The following MILR1 variants were observed in gnomAD, a reference collection of about 807,000 sequenced individuals.
MILR1 encodes mast cell immunoglobulin like receptor 1, also known as allergin-1.
Under a neutral mutation model 18.5 loss-of-function variants are expected in MILR1, and 31 were observed. The ratio of observed to expected loss-of-function variants is 1.68; its 90% confidence interval spans 1.26 to 2.26. The LOEUF (loss-of-function observed/expected upper bound fraction) is 2.26. Among genes scored for constraint, MILR1 ranks in the 30% most tolerant of loss-of-function variants. The pLI, the probability that MILR1 is intolerant of heterozygous loss-of-function variation, is 0.00. For missense variants in MILR1, 257 were observed against 157.4 expected, an observed-to-expected ratio of 1.63 and a Z score of -3.38; for synonymous variants, 85 against 56.2, an observed-to-expected ratio of 1.51 and a Z score of -2.30.
At chr17:64,464,116 ATT>A (rs1182677616) in intron 5 of MILR1, among the ~76,000 whole-genome samples, 192 of 100,832 alleles carry the variant, frequency 1.9e-3, no homozygotes, top group African/African-American at 7.1e-3. Context: ...CGCGCCTGAC[ATT>A]TTTTTTTTTT....
chr17:64,483,013 A>G, the MILR1 span: 1 of 1,428,042 alleles, frequency 7.0e-7, no homozygotes, highest in Admixed American at 1.7e-5. Context: ...AGGCAATTAA[A>G]TGGGGGAGGG....
intron 5 of MILR1, among the ~76,000 whole-genome samples, chr17:64,461,445 C>T (rs1275110654): frequency 2.0e-5 from 3 of 152,014 alleles, no homozygotes; most frequent in Non-Finnish European, 4.4e-5. Flanking sequence ...GACAGGGTTT[C>T]ACCATGTTGG....
At chr17:64,458,245 C>A (rs2144036653) in intron 4 of MILR1, among the ~76,000 whole-genome samples, 1 of 149,330 alleles carries the variant, frequency 6.7e-6, no homozygotes, top group South Asian at 2.1e-4. Flanking sequence ...CAGAGTGTCA[C>A]TCTGTTGCCC....
Position 64,457,689 on chromosome 17 carries a change from G to T in MILR1, c.652+5G>T. The T allele has an allele frequency of 2.1e-6, 1 of 473,390 alleles. No homozygotes were observed. Among genetic ancestry groups the T allele is most frequent in the South Asian group, 6.7e-5 (1 of 14,864 alleles). 29.3% of individuals were successfully genotyped at this position (473,390 alleles called of 1,614,324 possible). The stretch of plus-strand genomic sequence containing the variant: ...CTGTCACCATGCCCTCAACAGGTAA[G>T]AGCAACCTGAGTTCTTTCAGCCAGG... On this transcript the variant is annotated splice_donor_5th_base_variant and intron_variant, in intron 4 of 9. Coordinates refer to ENST00000619286, the MANE Select transcript of MILR1 (RefSeq NM_001085423.2).
At chr17:64,492,570 C>T in the MILR1 span, 61 of 726,694 alleles carry the variant, frequency 8.4e-5, no homozygotes, top group African/African-American at 4.7e-4. Flanking sequence ...TAGCTACATA[C>T]ATCAAATATA....
chr17:64,449,284 G>C (rs960319227), intron 1 of MILR1, 30 bp from the exon 2 acceptor site: 20 of 473,292 alleles, frequency 4.2e-5, no homozygotes, highest in African/African-American at 3.6e-4. Flanking sequence ...TGTGGAAAGT[G>C]AGCTTTATCG....
At chr17:64,464,849 A>G (rs1181727643) in intron 5 of MILR1, among the ~76,000 whole-genome samples, 1 of 152,220 alleles carries the variant, frequency 6.6e-6, no homozygotes, top group African/African-American at 2.4e-5. Flanking sequence ...GCTTGAAACC[A>G]GGATGCGGAG....
the MILR1 span, among the ~76,000 whole-genome samples, chr17:64,492,353 T>C: frequency 6.6e-6 from 1 of 152,196 alleles, no homozygotes; most frequent in South Asian, 2.1e-4. Flanking sequence ...TGGAGGTAGG[T>C]AGCAAAAGCT....
intron 3 of MILR1, among the ~76,000 whole-genome samples, chr17:64,453,707 A>G (rs1253773996): frequency 6.6e-6 from 1 of 151,612 alleles, no homozygotes; most frequent in Non-Finnish European, 1.5e-5. Context: ...TCCTACCCCA[A>G]GCCTGTTACT....
chr17:64,471,996 TGATA>T (rs547475739), downstream of MILR1, among the ~76,000 whole-genome samples: 150 of 152,270 alleles, frequency 9.9e-4, no homozygotes, highest in African/African-American at 3.5e-3. Flanking sequence ...AAATTAATTC[TGATA>T]GATGTAGTCA....
chr17:64,473,685 C>A, the MILR1 span, among the ~76,000 whole-genome samples: 3 of 152,080 alleles, frequency 2.0e-5, no homozygotes, highest in Admixed American at 2.0e-4. Context: ...TACGAAATTT[C>A]TTTGTAAATA....
rs58889627 is a variant in MILR1, at chr17:64,466,251, G to A, written c.854-191G>A. ...TATCTCCACCTGGTCCCTCCCATGA[G>A]ATGTGGGGATTATGGGGACTACAAT... On this transcript the variant is annotated intron_variant, in intron 6 of 9. Coordinates refer to ENST00000619286, the MANE Select transcript of MILR1 (RefSeq NM_001085423.2). 2.7e-3 allele frequency among the ~76,000 whole-genome samples: 418 copies of A among 152,342 alleles called. 17 individuals are homozygous for A. In the East Asian group the frequency reaches 0.073, roughly 26 times the overall value.
At chr17:64,472,465 CAAAAAAAAAA>C (rs71158332), downstream of MILR1, among the ~76,000 whole-genome samples, 39 of 13,914 alleles carry the variant, frequency 2.8e-3, no homozygotes, top group African/African-American at 5.6e-3. Flanking sequence ...GACTCCATCT[CAAAAAAAAAA>C]AAAAAAAAAA....
chr17:64,495,655 A>T, the MILR1 span, among the ~76,000 whole-genome samples: 1 of 152,140 alleles, frequency 6.6e-6, no homozygotes, highest in Admixed American at 6.6e-5. Context: ...TTTACATATT[A>T]TCTCTTCTTT....
intron 9 of MILR1, 70 bp downstream of exon 9, chr17:64,467,715 C>A (rs968194471): frequency 3.2e-6 from 3 of 932,166 alleles, no homozygotes; most frequent in Non-Finnish European, 1.7e-6. Flanking sequence ...AGGTGGATTA[C>A]TTGAGGTCAG....
In MILR1 at chr17:64,466,467, A is replaced by G. The variant is rs1335333618; in HGVS notation, c.879A>G (p.Gly293=). The change falls in exon 7 of 10, where the codon GGA becomes GGG. Residue 293 remains glycine, a synonymous_variant. Transcript: ENST00000619286. ...QAKEESVPEV[G]SRPCVSTAQD... ...AGGAGGAATCTGTGCCAGAAGTGGGATCCAGGCCGTGTGTTTCCACAGCCC... is the reference window on the plus strand; with the variant it reads ...AGGAGGAATCTGTGCCAGAAGTGGGGTCCAGGCCGTGTGTTTCCACAGCCC... 2.5e-6 allele frequency: 4 copies of G among 1,613,722 alleles called. No homozygotes were observed. Among genetic ancestry groups the G allele is most frequent in the Non-Finnish European group, 3.4e-6 (4 of 1,179,828 alleles).
chr17:64,466,683 A>G, intron 8 of MILR1, 21 bp downstream of exon 8: 1 of 1,587,874 alleles, frequency 6.3e-7, no homozygotes, highest in East Asian at 2.3e-5. Flanking sequence ...GGTTGGGATA[A>G]GAGGTACTGG....
the MILR1 span, chr17:64,485,555 G>A: frequency 1.6e-6 from 1 of 634,526 alleles, no homozygotes; most frequent in Non-Finnish European, 2.8e-6. Flanking sequence ...TATTCTGTGA[G>A]AACCTGATTC....
intron 2 of MILR1, among the ~76,000 whole-genome samples, chr17:64,449,981 C>T (rs2037129966): frequency 6.6e-6 from 1 of 151,380 alleles, no homozygotes; most frequent in South Asian, 2.1e-4. Flanking sequence ...AGTCTGTCGC[C>T]CAGGCTGGAG....
Sources: allele counts gnomAD v4.1 joint callset (sites outside exome capture counted in the v4.1 genomes callset), GRCh38; gene constraint gnomAD v4.1.1; transcripts MANE v1.5; gene names NCBI Gene and HGNC (gene_info 2026-07-23, HGNC 2026-07-21).